The following BANK1 variants were observed in gnomAD, a reference collection of about 807,000 sequenced individuals.
BANK1 encodes the protein B cell scaffold protein with ankyrin repeats 1.
In BANK1, 95 loss-of-function variants were observed where a neutral mutation model predicts 94.5. The observed-to-expected ratio is 1.00, with a 90% CI of 0.85 to 1.19. BANK1 has a LOEUF of 1.19. BANK1 is among the 50% of genes most tolerant of loss of function. The probability of loss-of-function intolerance (pLI) is 0.00; values close to 1 mark genes in which losing one functional copy is unlikely to be tolerated. For synonymous variants in BANK1, 334 were observed against 308.4 expected, an observed-to-expected ratio of 1.08 and a Z score of -0.87; for missense variants, 987 against 932.2, an observed-to-expected ratio of 1.06 and a Z score of -0.77.
chr4:101,915,172 T>A (rs2148899078), intron 6 of BANK1, among the ~76,000 whole-genome samples: 1 of 152,280 alleles, frequency 6.6e-6, no homozygotes, highest in East Asian at 1.9e-4. Context: ...GACATAGGTT[T>A]AATAACCGAT....
chr4:101,830,070 A>C lies in BANK1; in HGVS notation c.333A>C (p.Val111=). 6.2e-7 allele frequency: 1 copy of C among 1,613,930 alleles called. No homozygotes were observed. The highest frequency in any genetic ancestry group is 1.1e-5 in the South Asian group (1 of 91,074). ...AGATACTTCATTCACCAAAAAGTGT[A>C]GTTACTTTGCTTTGTGGAGTGAAGA... ...LEKILHSPKS[V]VTLLCGVKSS... Residue 111 remains valine (V), a synonymous_variant, in exon 2 of 17, where the codon GTA becomes GTC. Transcript: ENST00000322953.
intron 6 of BANK1, among the ~76,000 whole-genome samples, chr4:101,912,789 C>G (rs1298486770): frequency 6.6e-6 from 1 of 151,904 alleles, no homozygotes; most frequent in Non-Finnish European, 1.5e-5. Context: ...AAGTTCTCCC[C>G]ACTCCTTTTA....
In BANK1 at chr4:101,918,042, T is replaced by G. The variant is rs1722882897; in HGVS notation, c.1059T>G (p.Phe353Leu). ...LPTLLHCAAK[F>L]GLKNLAIHLL... is the part of the protein sequence containing the mutation. ...CTCTTCTCCACTGTGCAGCAAAATT[T>G]GGCTTAAAGAACCTGGCTATTCATT... Residue 353 changes from phenylalanine (F) to leucine (L), a missense_variant, in exon 7 of 17, where the codon TTT becomes TTG. Transcript: ENST00000322953. The G allele has an allele frequency of 6.2e-7, 1 of 1,611,652 alleles. No homozygotes were observed. Among genetic ancestry groups the G allele is most frequent in the African/African-American group, 1.3e-5 (1 of 74,938 alleles).
Position 101,839,936 on chromosome 4 carries a change from AATTTTTTT to A in BANK1, c.469+9731_469+9738del, listed in dbSNP as rs1434914694. ...AGCTACTATATAATTTCAAATATTTAATTTTTTTTTTTTTTTTTTTTTTTTTTTTTTTT... is the reference window on the plus strand; with the variant it reads ...AGCTACTATATAATTTCAAATATTTATTTTTTTTTTTTTTTTTTTTTTTTT... On this transcript the variant is annotated intron_variant, in intron 2 of 16. Transcript: ENST00000322953. 5.9e-3 allele frequency among the ~76,000 whole-genome samples: 462 copies of A among 78,972 alleles called. 17 individuals are homozygous for A. Among genetic ancestry groups the A allele is most frequent in the African/African-American group, 0.021 (452 of 21,704 alleles). The allele number at this position is 78,972 out of a possible 152,430, so 51.8% of individuals were successfully genotyped here. A position where few individuals can be genotyped will look rare whatever the true frequency, so the allele number is the denominator to read the frequency against.
intron 7 of BANK1, among the ~76,000 whole-genome samples, chr4:102,018,358 T>C (rs913131941): frequency 1.1e-4 from 17 of 152,314 alleles, no homozygotes; most frequent in African/African-American, 4.1e-4. Flanking sequence ...TAAAAATCAC[T>C]CATAACCAAC....
intron 7 of BANK1, among the ~76,000 whole-genome samples, chr4:101,961,562 CCT>C: frequency 6.6e-6 from 1 of 152,156 alleles, no homozygotes. Context: ...TGTCAGTTTC[CCT>C]GTTTTTCTTG....
chr4:101,950,066 T>TGTGTGTGTGC (rs1560648642), intron 7 of BANK1, among the ~76,000 whole-genome samples: 42 of 121,956 alleles, frequency 3.4e-4, no homozygotes, highest in African/African-American at 1.4e-3. Context: ...TGTGTGCGCG[T>TGTGTGTGTGC]GCGCGCGCAT....
intron 6 of BANK1, among the ~76,000 whole-genome samples, chr4:101,900,733 T>C (rs1722254468): frequency 6.6e-6 from 1 of 152,222 alleles, no homozygotes; most frequent in East Asian, 1.9e-4. Flanking sequence ...AGAATAGTTT[T>C]GACAGTGTGA....
At chr4:102,032,376 C>A (rs1158810000) in intron 10 of BANK1, 1 of 152,104 alleles carries the variant, frequency 6.6e-6, no homozygotes, top group Non-Finnish European at 1.5e-5. Context: ...TTGTAGAATT[C>A]TTTTCTCTTT....
At chr4:101,965,657 A>G (rs1724726950) in intron 7 of BANK1, among the ~76,000 whole-genome samples, 1 of 152,094 alleles carries the variant, frequency 6.6e-6, no homozygotes, top group Non-Finnish European at 1.5e-5. Flanking sequence ...AGTCTCAGAA[A>G]GTAGTTCCTA....
intron 4 of BANK1, among the ~76,000 whole-genome samples, chr4:101,868,160 C>T (rs1380257681): frequency 6.6e-6 from 1 of 151,698 alleles, no homozygotes; most frequent in Non-Finnish European, 1.5e-5. Flanking sequence ...AAAGTAATTG[C>T]GGTTTTGCAA....
intron 6 of BANK1, among the ~76,000 whole-genome samples, chr4:101,916,162 T>C (rs767832585): frequency 2.6e-5 from 4 of 152,064 alleles, no homozygotes; most frequent in Non-Finnish European, 5.9e-5. Flanking sequence ...TCAGAAGTTC[T>C]ATAATTTTGA....
chr4:102,060,046 C>T (rs1013666365), intron 11 of BANK1, among the ~76,000 whole-genome samples, 165 bp from the exon 12 acceptor site: 1 of 152,130 alleles, frequency 6.6e-6, no homozygotes, highest in Non-Finnish European at 1.5e-5. Context: ...TTTCCAGGCA[C>T]CTCCATCCTT....
At chr4:102,002,415 G>GA (rs1283526206) in intron 7 of BANK1, among the ~76,000 whole-genome samples, 3 of 151,102 alleles carry the variant, frequency 2.0e-5, no homozygotes, top group East Asian at 1.9e-4. Context: ...TAGTTTTGAA[G>GA]AAAAAAAATG....
intron 15 of BANK1, among the ~76,000 whole-genome samples, chr4:102,072,637 T>G (rs902882489): frequency 6.6e-6 from 1 of 152,112 alleles, no homozygotes; most frequent in African/African-American, 2.4e-5. Context: ...GTGGCTAAAT[T>G]CAACATGTAC....
At chr4:102,018,588 T>G (rs527484108) in intron 7 of BANK1, among the ~76,000 whole-genome samples, 27 of 152,370 alleles carry the variant, frequency 1.8e-4, no homozygotes, top group African/African-American at 6.5e-4. Flanking sequence ...TGATAATGAA[T>G]GATTTTAATT....
chr4:101,869,234 A>G (rs1344621795), intron 4 of BANK1, among the ~76,000 whole-genome samples: 1 of 151,954 alleles, frequency 6.6e-6, no homozygotes, highest in Non-Finnish European at 1.5e-5. Context: ...ATGACTTATC[A>G]TAACATTTAA....
intron 6 of BANK1, among the ~76,000 whole-genome samples, chr4:101,908,902 AAAC>A (rs2148896542): frequency 6.6e-6 from 1 of 152,306 alleles, no homozygotes; most frequent in Admixed American, 6.5e-5. Context: ...AAAAGTCAGG[AAAC>A]AACAGGTGCT....
intron 11 of BANK1, among the ~76,000 whole-genome samples, chr4:102,056,436 G>A (rs1578483521): frequency 6.6e-6 from 1 of 151,888 alleles, no homozygotes; most frequent in East Asian, 1.9e-4. Context: ...GGAATATAAT[G>A]CTCCCATTAA....
Sources: gnomAD v4.1 joint callset for allele counts (sites outside exome capture counted in the v4.1 genomes callset) on GRCh38, gnomAD v4.1.1 for gene constraint, MANE v1.5 for transcripts, NCBI Gene and HGNC (gene_info 2026-07-23, HGNC 2026-07-21) for gene names.